Variants in ATRNL1 observed in about 807,000 individuals in gnomAD.
The protein encoded by ATRNL1 is attractin like 1, also known as attractin-like protein 1.
Under a neutral mutation model 182.7 loss-of-function variants are expected in ATRNL1, and 95 were observed. That is an observed-to-expected ratio of 0.52 (90% CI 0.44 to 0.62). The LOEUF (loss-of-function observed/expected upper bound fraction) is 0.62. Among genes scored for constraint, ATRNL1 ranks in the 20% least tolerant of loss-of-function variants. The pLI, the probability that ATRNL1 is intolerant of heterozygous loss-of-function variation, is 0.00. For synonymous variants in ATRNL1, 576 were observed against 568.3 expected (o/e 1.01, Z -0.19); for missense variants, 1,471 against 1,679.5 (o/e 0.88, Z 2.17).
chr10:115,757,474 T>A (rs1363855593), intron 27 of ATRNL1, among the ~76,000 whole-genome samples: 2 of 152,224 alleles, frequency 1.3e-5, no homozygotes, highest in Admixed American at 1.3e-4. Flanking sequence ...TTTAAGAATG[T>A]TGAATATTGT....
At chr10:115,154,906 A>G (rs537522892) in intron 5 of ATRNL1, among the ~76,000 whole-genome samples, 3 of 152,168 alleles carry the variant, frequency 2.0e-5, no homozygotes, top group Non-Finnish European at 4.4e-5. Context: ...AGATTGGCCC[A>G]GGGCCAATTT....
intron 21 of ATRNL1, among the ~76,000 whole-genome samples, chr10:115,447,910 A>C (rs1847086335): frequency 6.6e-6 from 1 of 151,954 alleles, no homozygotes; most frequent in Non-Finnish European, 1.5e-5. Flanking sequence ...TTATGTTTTT[A>C]GTCTCTTTAA....
At chr10:115,626,032 T>C (rs1858074848) in intron 26 of ATRNL1, among the ~76,000 whole-genome samples, 1 of 152,198 alleles carries the variant, frequency 6.6e-6, no homozygotes, top group African/African-American at 2.4e-5. Context: ...TAATTTGTAC[T>C]ACATGGTATA....
At chr10:115,614,276 C>A in intron 26 of ATRNL1, among the ~76,000 whole-genome samples, 1 of 151,924 alleles carries the variant, frequency 6.6e-6, no homozygotes, top group East Asian at 1.9e-4. Context: ...CTTCCATGAC[C>A]CATCAGTCTT....
chr10:115,877,985 T>G (rs1951736786), intron 28 of ATRNL1, among the ~76,000 whole-genome samples: 1 of 152,170 alleles, frequency 6.6e-6, no homozygotes. Context: ...GCAGTATCCT[T>G]CCCTCTTAAG....
intron 28 of ATRNL1, among the ~76,000 whole-genome samples, chr10:115,882,096 C>T (rs1027404301): frequency 3.9e-5 from 6 of 152,192 alleles, no homozygotes; most frequent in Admixed American, 6.5e-5. Flanking sequence ...CACCATCAGA[C>T]TGAGACCAAC....
At chr10:115,655,633 A>G (rs774644258) in intron 26 of ATRNL1, among the ~76,000 whole-genome samples, 15 of 152,208 alleles carry the variant, frequency 9.9e-5, no homozygotes, top group Non-Finnish European at 2.1e-4. Context: ...GGCAGCAAGA[A>G]CAACAAGCCA....
At chr10:115,480,211 C>CAT (rs1485116193) in intron 24 of ATRNL1, among the ~76,000 whole-genome samples, 1 of 147,728 alleles carries the variant, frequency 6.8e-6, no homozygotes, top group Non-Finnish European at 1.5e-5. Context: ...CATTTGAACA[C>CAT]ACACACACAC....
chr10:115,352,585 G>A (rs1554941732), intron 19 of ATRNL1, among the ~76,000 whole-genome samples: 2 of 151,964 alleles, frequency 1.3e-5, no homozygotes, highest in Admixed American at 6.6e-5. Flanking sequence ...TATTTGTATA[G>A]TTTCCAAAGT....
At chr10:115,823,625 C>T (rs1343555408) in intron 27 of ATRNL1, among the ~76,000 whole-genome samples, 1 of 152,156 alleles carries the variant, frequency 6.6e-6, no homozygotes, top group African/African-American at 2.4e-5. Flanking sequence ...GCATTCCATA[C>T]ACCAATAATA....
At chr10:115,748,683 T>A (rs1948362306) in intron 27 of ATRNL1, among the ~76,000 whole-genome samples, 1 of 151,942 alleles carries the variant, frequency 6.6e-6, no homozygotes, top group Non-Finnish European at 1.5e-5. Context: ...CCAATGTTCA[T>A]AGTCTTTGCT....
At chr10:115,408,865 G>C (rs1554959098) in intron 20 of ATRNL1, among the ~76,000 whole-genome samples, 1 of 152,044 alleles carries the variant, frequency 6.6e-6, no homozygotes, top group African/African-American at 2.4e-5. Context: ...TGGCATCTTT[G>C]TCAAAAATCA....
chr10:115,429,838 A>AGGC (rs1846067600), intron 21 of ATRNL1, among the ~76,000 whole-genome samples: 1 of 152,022 alleles, frequency 6.6e-6, no homozygotes, highest in African/African-American at 2.4e-5. Flanking sequence ...GAGGCCACAA[A>AGGC]GGGCGAATCA....
intron 18 of ATRNL1, among the ~76,000 whole-genome samples, chr10:115,327,941 G>T (rs1261239703): frequency 1.4e-5 from 2 of 148,090 alleles, no homozygotes. Flanking sequence ...GTTGTGGGGT[G>T]GGGGGAAGTG....
At chr10:115,822,733 A>G (rs772293220) in intron 27 of ATRNL1, among the ~76,000 whole-genome samples, 62 of 152,238 alleles carry the variant, frequency 4.1e-4, no homozygotes, top group Non-Finnish European at 7.5e-4. Flanking sequence ...TAAACCAGAA[A>G]GAAGTCGAAT....
chr10:115,498,496 T>C (rs150849834), intron 24 of ATRNL1, among the ~76,000 whole-genome samples: 54 of 152,212 alleles, frequency 3.5e-4, no homozygotes, highest in African/African-American at 1.3e-3. Context: ...TGGAAACCTA[T>C]GCTTATCAGG....
At chr10:115,191,460 TAGTA>T (rs1554889824) in intron 8 of ATRNL1, among the ~76,000 whole-genome samples, 5 of 152,152 alleles carry the variant, frequency 3.3e-5, no homozygotes, top group East Asian at 1.9e-4. Flanking sequence ...ATCTGATGAT[TAGTA>T]AGTATTTTTT....
At chr10:115,521,168 G>GTTGTTGTTGTTA (rs1554985079) in intron 25 of ATRNL1, among the ~76,000 whole-genome samples, 1 of 146,396 alleles carries the variant, frequency 6.8e-6, no homozygotes, top group African/African-American at 2.6e-5. Context: ...TGTTGTTGTT[G>GTTGTTGTTGTTA]TTGTTGAGAC....
At chr10:115,394,777 C>T (rs782729757) in intron 20 of ATRNL1, 25 bp downstream of exon 20, 1 of 1,509,656 alleles carries the variant, frequency 6.6e-7, no homozygotes, top group East Asian at 2.4e-5. Flanking sequence ...CTTTTTAGAA[C>T]TTTCGTGGAT....
Sources: allele counts gnomAD v4.1 joint callset (sites outside exome capture counted in the v4.1 genomes callset), GRCh38; gene constraint gnomAD v4.1.1; transcripts MANE v1.5; gene names NCBI Gene and HGNC (gene_info 2026-07-23, HGNC 2026-07-21).